CNTN1: variants seen among roughly 807,000 people sequenced by gnomAD.
The protein encoded by CNTN1 is contactin-1.
Under a neutral mutation model 126.4 loss-of-function variants are expected in CNTN1, and 38 were observed. The ratio of observed to expected loss-of-function variants is 0.30; its 90% CI spans 0.23 to 0.39. The LOEUF is 0.39. Ranked by LOEUF, CNTN1 falls within the 10% of genes least tolerant of loss-of-function variation. The pLI, the probability that CNTN1 is intolerant of heterozygous loss-of-function variation, is 1.00. For synonymous variants in CNTN1, 413 were observed against 422.6 expected, an observed-to-expected ratio of 0.98 and a Z score of 0.28; for missense variants, 1,009 against 1,248.4, an observed-to-expected ratio of 0.81 and a Z score of 2.89.
rs543015061 is a variant in CNTN1, at chr12:41,071,167, A to G, written c.*1132A>G. 1 of 152,224 alleles carries G rather than the reference A, an allele frequency of 6.6e-6. No homozygotes were observed. Among genetic ancestry groups the G allele is most frequent in the South Asian group, 2.1e-4 (1 of 4,828 alleles). The allele number at this position is 152,224 out of a possible 1,614,324, so 9.4% of individuals were successfully genotyped here. A position where few individuals can be genotyped will look rare whatever the true frequency, so the allele number is the denominator to read the frequency against. On this transcript the variant is annotated 3_prime_UTR_variant, in exon 24 of 24. Coordinates refer to ENST00000551295, the MANE Select transcript of CNTN1 (RefSeq NM_001843.4). ...AAAACTGGCTAAAAATACCAAATCA[A>G]TATACTGCTAATGGTACTTTGAAGA...
At chr12:40,825,509 A>G (rs1358261720) in intron 1 of CNTN1, among the ~76,000 whole-genome samples, 1 of 152,198 alleles carries the variant, frequency 6.6e-6, no homozygotes, top group African/African-American at 2.4e-5. Context: ...AATATTGGAA[A>G]GCCTCTTGAT....
intron 1 of CNTN1, among the ~76,000 whole-genome samples, chr12:40,893,735 A>G (rs957568302): frequency 6.6e-6 from 1 of 151,968 alleles, no homozygotes; most frequent in African/African-American, 2.4e-5. Context: ...CATTTTGTTC[A>G]TTGCATAAAA....
At chr12:40,918,992 A>G (rs1281448120) in intron 4 of CNTN1, among the ~76,000 whole-genome samples, 1 of 152,190 alleles carries the variant, frequency 6.6e-6, no homozygotes, top group African/African-American at 2.4e-5. Flanking sequence ...TGCACAGATA[A>G]TGTTACTGGC....
At chr12:40,999,238 CA>C (rs751793479) in intron 17 of CNTN1, among the ~76,000 whole-genome samples, 3 of 152,088 alleles carry the variant, frequency 2.0e-5, no homozygotes, top group Non-Finnish European at 4.4e-5. Context: ...GAAATTAAGA[CA>C]AAAGGACAAG....
At chr12:40,986,248 A>C (rs1282067071) in intron 16 of CNTN1, among the ~76,000 whole-genome samples, 1 of 152,186 alleles carries the variant, frequency 6.6e-6, no homozygotes, top group Non-Finnish European at 1.5e-5. Flanking sequence ...ACAGTGGGTC[A>C]TATTTCTTTG....
chr12:40,899,083 G>A (rs1346741086), intron 1 of CNTN1, among the ~76,000 whole-genome samples: 1 of 152,166 alleles, frequency 6.6e-6, no homozygotes, highest in African/African-American at 2.4e-5. Context: ...CATTGAGTGA[G>A]CTCTTGGATC....
intron 15 of CNTN1, chr12:40,978,979 G>GT (rs1164784813): frequency 6.6e-6 from 1 of 151,976 alleles, no homozygotes; most frequent in Non-Finnish European, 1.5e-5. Flanking sequence ...ATTCTACTTA[G>GT]TAATTGACTT....
At chr12:40,825,506 G>A (rs1055868208) in intron 1 of CNTN1, among the ~76,000 whole-genome samples, 2 of 152,068 alleles carry the variant, frequency 1.3e-5, no homozygotes, top group Non-Finnish European at 2.9e-5. Context: ...CAAAATATTG[G>A]AAAGCCTCTT....
At chr12:40,975,931 G>A (rs935611565) in intron 15 of CNTN1, among the ~76,000 whole-genome samples, 5 of 152,098 alleles carry the variant, frequency 3.3e-5, no homozygotes, top group African/African-American at 1.2e-4. Flanking sequence ...AACAGAAATA[G>A]CATAAATAGT....
intron 21 of CNTN1, among the ~76,000 whole-genome samples, chr12:41,027,188 G>A (rs1949054628): frequency 6.6e-6 from 1 of 152,106 alleles, no homozygotes; most frequent in Non-Finnish European, 1.5e-5. Context: ...GCTGATATCT[G>A]CCTAGACAGA....
In CNTN1 at chr12:40,835,799, TACACACACACACAC is replaced by T. The variant is rs10556497; in HGVS notation, c.-76-72530_-76-72517del. ...CTTCCGAAATTCTAAATGCTATTTA[TACACACACACACAC>T]ACACACACACACACACACACACACA... On this transcript the variant is annotated intron_variant, in intron 1 of 23. Transcript: ENST00000551295. Among the ~76,000 whole-genome samples, 714 of 142,528 alleles carry T rather than the reference TACACACACACACAC, an allele frequency of 5.0e-3. 4 individuals carry two copies. Among genetic ancestry groups the T allele is most frequent in the Non-Finnish European group, 6.1e-3 (399 of 65,458 alleles). 93.5% of individuals were successfully genotyped at this position (142,528 alleles called of 152,430 possible).
chr12:40,863,803 T>C (rs1026351337), intron 1 of CNTN1, among the ~76,000 whole-genome samples: 2 of 152,078 alleles, frequency 1.3e-5, no homozygotes, highest in African/African-American at 4.8e-5. Flanking sequence ...CCTTCTCATC[T>C]GTGGAAAAAT....
intron 1 of CNTN1, among the ~76,000 whole-genome samples, chr12:40,824,302 C>T (rs1018578184): frequency 6.6e-6 from 1 of 152,026 alleles, no homozygotes; most frequent in Non-Finnish European, 1.5e-5. Context: ...ATGTAATGTC[C>T]TCCCTCCCTA....
chr12:40,774,857 T>G (rs1286589504), intron 1 of CNTN1, among the ~76,000 whole-genome samples: 1 of 151,516 alleles, frequency 6.6e-6, no homozygotes, highest in Non-Finnish European at 1.5e-5. Flanking sequence ...TCTTTTTAAA[T>G]TTTTTATTAG....
At chr12:41,046,431 A>G (rs1438491182) in intron 23 of CNTN1, among the ~76,000 whole-genome samples, 1 of 152,124 alleles carries the variant, frequency 6.6e-6, no homozygotes, top group Admixed American at 6.6e-5. Flanking sequence ...TCAATAATAC[A>G]TTTCTTAAAT....
chr12:40,703,444 G>A (rs1357120695), intron 1 of CNTN1, among the ~76,000 whole-genome samples: 1 of 152,132 alleles, frequency 6.6e-6, no homozygotes, highest in African/African-American at 2.4e-5. Context: ...ATTCTGGCAC[G>A]TAGTAGATAC....
At chr12:40,717,077 ATT>A (rs11344560) in intron 1 of CNTN1, among the ~76,000 whole-genome samples, 4 of 151,722 alleles carry the variant, frequency 2.6e-5, no homozygotes, top group African/African-American at 9.7e-5. Flanking sequence ...CAAAAGTGTT[ATT>A]TTTTTTCTGT....
chr12:40,823,561 A>T (rs938857569), intron 1 of CNTN1, among the ~76,000 whole-genome samples: 1 of 152,224 alleles, frequency 6.6e-6, no homozygotes, highest in African/African-American at 2.4e-5. Context: ...GCAATTGTAT[A>T]TGCAATTGTA....
chr12:40,819,086 G>T (rs1412802924), intron 1 of CNTN1, among the ~76,000 whole-genome samples: 1 of 152,162 alleles, frequency 6.6e-6, no homozygotes, highest in East Asian at 1.9e-4. Flanking sequence ...CCTTGAGGGG[G>T]ACTAAGCTGA....
Sources: allele counts gnomAD v4.1 joint callset (sites outside exome capture counted in the v4.1 genomes callset), GRCh38; gene constraint gnomAD v4.1.1; transcripts MANE v1.5; gene names NCBI Gene and HGNC (gene_info 2026-07-23, HGNC 2026-07-21).